The following ROBO2 variants were observed in gnomAD, a reference collection of about 807,000 sequenced individuals.
ROBO2 encodes the protein roundabout guidance receptor 2, also known as roundabout homolog 2.
ROBO2 carries 53 observed loss-of-function variants against 160.8 expected under a neutral mutation model. That is an observed-to-expected ratio of 0.33 (90% CI 0.26 to 0.41). ROBO2 has a LOEUF of 0.41. ROBO2 is among the 10% of genes least tolerant of loss of function. ROBO2 has a pLI of 1.00. For missense variants in ROBO2, 1,577 were observed against 1,722.4 expected (o/e 0.92, Z 1.49); for synonymous variants, 664 against 611.7 (o/e 1.09, Z -1.26).
At chr3:77,197,754 T>G (rs2082436836) in intron 2 of ROBO2, among the ~76,000 whole-genome samples, 1 of 152,214 alleles carries the variant, frequency 6.6e-6, no homozygotes, top group Non-Finnish European at 1.5e-5. Context: ...CAAAAGGGAT[T>G]GTACAGATTT....
intron 1 of ROBO2, among the ~76,000 whole-genome samples, chr3:75,916,331 CT>C (rs2106782593): frequency 1.3e-5 from 2 of 152,210 alleles, no homozygotes; most frequent in East Asian, 3.9e-4. Flanking sequence ...AATTTATTTC[CT>C]TGAAACTCAC....
chr3:76,251,862 G>T (rs35603626), intron 2 of ROBO2, among the ~76,000 whole-genome samples: 6,118 of 152,022 alleles, frequency 0.04, 363 homozygotes, highest in African/African-American at 0.12. Flanking sequence ...ATGTTTACTC[G>T]GTGTCATCAA....
intron 20 of ROBO2, among the ~76,000 whole-genome samples, chr3:77,604,391 A>C (rs1188809419): frequency 1.3e-5 from 2 of 152,182 alleles, no homozygotes; most frequent in African/African-American, 4.8e-5. Context: ...TCTATATACT[A>C]TAATCCATGG....
chr3:76,531,614 C>T (rs1357611777), intron 2 of ROBO2, among the ~76,000 whole-genome samples: 55 of 140,024 alleles, frequency 3.9e-4, no homozygotes, highest in African/African-American at 1.4e-3. Context: ...TTTGTTTGTA[C>T]AGTTTCTTTT....
At chr3:77,324,323 C>G (rs11712645) in intron 2 of ROBO2, among the ~76,000 whole-genome samples, 14,800 of 152,176 alleles carry the variant, frequency 0.097, 936 homozygotes, top group East Asian at 0.34. Context: ...ACTAAAAGGT[C>G]TTTACCAACT....
chr3:77,640,755 C>A (rs2095339862), intron 24 of ROBO2, among the ~76,000 whole-genome samples: 1 of 152,174 alleles, frequency 6.6e-6, no homozygotes, highest in African/African-American at 2.4e-5. Flanking sequence ...TATTTGATTA[C>A]ATACTTTTAT....
intron 1 of ROBO2, among the ~76,000 whole-genome samples, chr3:77,093,742 T>G (rs1320317065): frequency 6.6e-6 from 1 of 152,200 alleles, no homozygotes; most frequent in Non-Finnish European, 1.5e-5. Context: ...TATATCTATG[T>G]CTATCTTTCT....
chr3:76,313,089 A>G (rs1300167984), intron 2 of ROBO2, among the ~76,000 whole-genome samples: 2 of 152,244 alleles, frequency 1.3e-5, no homozygotes, highest in Non-Finnish European at 2.9e-5. Context: ...AGGAATAGGC[A>G]ATCATAGCAA....
At chr3:77,538,533 T>C (rs2092294441) in intron 6 of ROBO2, among the ~76,000 whole-genome samples, 1 of 152,154 alleles carries the variant, frequency 6.6e-6, no homozygotes. Flanking sequence ...TTAAGTAGTC[T>C]CTATAAAAGT....
chr3:77,363,910 G>C (rs1413210239), intron 2 of ROBO2, among the ~76,000 whole-genome samples: 1 of 152,074 alleles, frequency 6.6e-6, no homozygotes, highest in Non-Finnish European at 1.5e-5. Context: ...CAGGGGGCTG[G>C]GAGAAGGGCA....
At chr3:76,843,300 T>G (rs1415853777) in intron 2 of ROBO2, among the ~76,000 whole-genome samples, 1 of 151,640 alleles carries the variant, frequency 6.6e-6, no homozygotes, top group African/African-American at 2.4e-5. Flanking sequence ...CTGATGCTGT[T>G]CAAACTCTGC....
intron 2 of ROBO2, among the ~76,000 whole-genome samples, chr3:76,886,439 T>C (rs1341473138): frequency 6.6e-6 from 1 of 151,512 alleles, no homozygotes; most frequent in Non-Finnish European, 1.5e-5. Flanking sequence ...ACAATAAAGA[T>C]CAGTAAGCCC....
intron 2 of ROBO2, among the ~76,000 whole-genome samples, chr3:76,810,106 G>T (rs559899305): frequency 6.6e-6 from 1 of 152,016 alleles, no homozygotes; most frequent in South Asian, 2.1e-4. Flanking sequence ...AGAAGAATGG[G>T]GATACACATC....
chr3:76,382,322 C>T (rs893937281), intron 2 of ROBO2, among the ~76,000 whole-genome samples: 5 of 152,224 alleles, frequency 3.3e-5, no homozygotes, highest in Admixed American at 3.3e-4. Flanking sequence ...GGCGCGGTGA[C>T]TCACGCCTGT....
At chr3:76,396,465 C>T (rs1184636391) in intron 2 of ROBO2, among the ~76,000 whole-genome samples, 1 of 152,098 alleles carries the variant, frequency 6.6e-6, no homozygotes, top group African/African-American at 2.4e-5. Context: ...GTTGGAAGTT[C>T]TGGTCAGGGC....
chr3:76,750,811 G>A (rs1055204315), intron 2 of ROBO2, among the ~76,000 whole-genome samples: 4 of 152,118 alleles, frequency 2.6e-5, no homozygotes, highest in African/African-American at 9.7e-5. Flanking sequence ...CAAACAAATG[G>A]AAGAACATTC....
In ROBO2 at chr3:76,157,029, G is replaced by T. The variant is rs976021126; in HGVS notation, c.109+219427G>T. 2.6e-5 allele frequency among the ~76,000 whole-genome samples: 4 copies of T among 152,014 alleles called. No homozygotes were observed. The South Asian group carries it at 8.3e-4, about 32-fold the overall frequency. On this transcript the variant is annotated intron_variant, in intron 2 of 26. Transcript: ENST00000487694. ...CAGTTGTAATTAAAGTATGTGTGTG[G>T]ATATGTGTGTGGATATACAAAATTC...
At chr3:77,303,752 T>C (rs1362354099) in intron 2 of ROBO2, among the ~76,000 whole-genome samples, 1 of 152,092 alleles carries the variant, frequency 6.6e-6, no homozygotes, top group African/African-American at 2.4e-5. Context: ...ATGTTGTACA[T>C]CTTGAATATA....
chr3:77,569,715 T>G (rs932644354), intron 13 of ROBO2, among the ~76,000 whole-genome samples: 1 of 152,010 alleles, frequency 6.6e-6, no homozygotes, highest in Non-Finnish European at 1.5e-5. Context: ...CCTTCTTTTT[T>G]GCTTAGGATT....
Sources: gnomAD v4.1 joint callset for allele counts (sites outside exome capture counted in the v4.1 genomes callset) on GRCh38, gnomAD v4.1.1 for gene constraint, MANE v1.5 for transcripts, NCBI Gene and HGNC (gene_info 2026-07-23, HGNC 2026-07-21) for gene names.